DTNA: variants seen among roughly 807,000 people sequenced by gnomAD.
DTNA encodes the protein dystrophin-related protein 3.
In DTNA, 43 loss-of-function variants were observed where a neutral mutation model predicts 100.7. The ratio of observed to expected loss-of-function variants is 0.43; its 90% CI spans 0.33 to 0.55. The LOEUF is 0.55. Among genes scored for constraint, DTNA ranks in the 20% least tolerant of loss-of-function variants. The pLI is 0.04. For missense variants in DTNA, 798 were observed against 953.9 expected, an observed-to-expected ratio of 0.84 and a Z score of 2.15; for synonymous variants, 349 against 347.9, an observed-to-expected ratio of 1.00 and a Z score of -0.04.
chr18:34,605,907 C>T (rs1333481022), intron 1 of DTNA, among the ~76,000 whole-genome samples: 1 of 152,062 alleles, frequency 6.6e-6, no homozygotes, highest in African/African-American at 2.4e-5. Context: ...CCCAAAATCT[C>T]TCATTGATAA....
chr18:34,869,787 C>G (rs995933107), intron 17 of DTNA, among the ~76,000 whole-genome samples: 4 of 152,122 alleles, frequency 2.6e-5, no homozygotes. Context: ...TTTGGGAGGC[C>G]GAGGCAGGCA....
chr18:34,665,429 AT>A (rs1201795110), intron 1 of DTNA, among the ~76,000 whole-genome samples: 1 of 151,840 alleles, frequency 6.6e-6, no homozygotes, highest in Non-Finnish European at 1.5e-5. Flanking sequence ...TTATATATAT[AT>A]TTTTTATTAC....
chr18:34,555,337 C>T (rs926886079), intron 1 of DTNA, among the ~76,000 whole-genome samples: 1 of 149,324 alleles, frequency 6.7e-6, no homozygotes, highest in Non-Finnish European at 1.5e-5. Flanking sequence ...CTCCTGGATT[C>T]ATTAATTTTT....
At position 34,615,630 on chromosome 18, in the gene DTNA, C is replaced by T. The variant is rs577530154; in HGVS notation, c.-2+122116C>T. Among the ~76,000 whole-genome samples the T allele has an allele frequency of 5.9e-5, 9 of 151,950 alleles. No individual in the cohort carries two copies. In the South Asian group the frequency reaches 1.5e-3, roughly 25 times the overall value. On this transcript the variant is annotated intron_variant, in intron 1 of 19. Transcript: ENST00000283365. ...GGTTTTATAGATACATTGCATGTCACGGGGGTTTGTTGTACAGATTATTTC... is the reference window on the plus strand; with the variant it reads ...GGTTTTATAGATACATTGCATGTCATGGGGGTTTGTTGTACAGATTATTTC...
chr18:34,799,137 G>A (rs2095107917), intron 4 of DTNA, among the ~76,000 whole-genome samples: 1 of 152,126 alleles, frequency 6.6e-6, no homozygotes, highest in Admixed American at 6.5e-5. Flanking sequence ...TTACATTGTA[G>A]CATTAGGATC....
At chr18:34,531,824 T>C (rs969190352) in intron 1 of DTNA, among the ~76,000 whole-genome samples, 1 of 152,150 alleles carries the variant, frequency 6.6e-6, no homozygotes, top group Non-Finnish European at 1.5e-5. Context: ...GATAATACTT[T>C]ATTTGCACAT....
chr18:34,534,695 C>T (rs945363888), intron 1 of DTNA, among the ~76,000 whole-genome samples: 6 of 151,984 alleles, frequency 3.9e-5, no homozygotes, highest in African/African-American at 1.2e-4. Flanking sequence ...TCCCTGTGTC[C>T]ATGTGTTCTC....
At position 34,794,194 on chromosome 18, in the gene DTNA, C is replaced by G; in HGVS notation, c.306C>G (p.Ile102Met). The G allele has an allele frequency of 6.2e-7, 1 of 1,614,174 alleles. No homozygotes were observed. Among genetic ancestry groups the G allele is most frequent in the Non-Finnish European group, 8.5e-7 (1 of 1,180,012 alleles). ...AACGGATGCCAACCACTCACCAAAT[C>G]CATGTGGAGCAGTCCATCAGCCTCC... ...LNKRMPTTHQ[I>M]HVEQSISLLL... The change falls in exon 4 of 23, where the codon ATC becomes ATG. Residue 102 changes from isoleucine to methionine, a missense_variant. Ile to Met is a conservative substitution (Grantham distance 10, BLOSUM62 1). Coordinates refer to ENST00000444659, the MANE Select transcript of DTNA (RefSeq NM_001386795.1).
chr18:34,767,939 G>A (rs1214361469), intron 3 of DTNA, among the ~76,000 whole-genome samples: 1 of 152,166 alleles, frequency 6.6e-6, no homozygotes, highest in African/African-American at 2.4e-5. Context: ...CATTACAGAT[G>A]TTGAAAGAAT....
chr18:34,742,632 T>TATTATCTATCTAGATAGATAGATAATCG (rs2090887069), intron 1 of DTNA, among the ~76,000 whole-genome samples: 1 of 152,164 alleles, frequency 6.6e-6, no homozygotes, highest in Admixed American at 6.5e-5. Context: ...GATTATCTTC[T>TATTATCTATCTAGATAGATAGATAATCG]ATTATCTATC....
chr18:34,515,550 G>A (rs894048352), intron 1 of DTNA, among the ~76,000 whole-genome samples: 1 of 152,040 alleles, frequency 6.6e-6, no homozygotes, highest in Non-Finnish European at 1.5e-5. Context: ...ATTGTATTGT[G>A]GGGCATCCTG....
intron 1 of DTNA, among the ~76,000 whole-genome samples, chr18:34,658,084 A>G (rs1407109527): frequency 6.6e-6 from 1 of 152,190 alleles, no homozygotes; most frequent in Non-Finnish European, 1.5e-5. Context: ...CTAAGTAGAT[A>G]TTGGCTAAGA....
chr18:34,881,384 A>C (rs992242174), intron 20 of DTNA, among the ~76,000 whole-genome samples: 2 of 149,334 alleles, frequency 1.3e-5, no homozygotes, highest in African/African-American at 5.0e-5. Context: ...CACATTAGGG[A>C]ATGAGGTCAT....
chr18:34,594,418 G>A (rs2050171902), intron 1 of DTNA, among the ~76,000 whole-genome samples: 1 of 152,140 alleles, frequency 6.6e-6, no homozygotes, highest in Admixed American at 6.5e-5. Context: ...AATAAATACT[G>A]TCCATAATAG....
intron 1 of DTNA, among the ~76,000 whole-genome samples, chr18:34,500,689 C>T (rs894410039): frequency 6.6e-6 from 1 of 151,956 alleles, no homozygotes; most frequent in Admixed American, 6.6e-5. Context: ...GTCACGAACT[C>T]CTGACCTCAG....
At chr18:34,765,392 C>T (rs562059099) in intron 2 of DTNA, among the ~76,000 whole-genome samples, 14 of 152,226 alleles carry the variant, frequency 9.2e-5, no homozygotes, top group South Asian at 2.1e-4. Flanking sequence ...GTGTGCCAGA[C>T]GGTGTTTAAG....
At chr18:34,495,048 A>G (rs770621951) in intron 1 of DTNA, among the ~76,000 whole-genome samples, 64 of 152,148 alleles carry the variant, frequency 4.2e-4, no homozygotes, top group Non-Finnish European at 5.9e-4. Flanking sequence ...CAGGTGAGAA[A>G]ATCCGGGCAC....
chr18:34,827,639 TC>T lies in DTNA; in HGVS notation c.1049del (p.Ser350LeufsTer18). 6.2e-7 allele frequency: 1 copy of T among 1,613,940 alleles called. No homozygotes were observed. ...CATGAACGACACCCTGTTCTCCCAC[TC>T]TGTTCCCTCCTCAGGAAGTCCTTTT... Reference protein sequence around the residue: ...TSMNDTLFSHSVPSSGSPFIT... With the variant: ...TSMNDTLFSHXVPSSGSPFIT... On this transcript the variant is annotated frameshift_variant, in exon 10 of 23. Coordinates refer to ENST00000444659, the MANE Select transcript of DTNA (RefSeq NM_001386795.1). LOFTEE classifies it high-confidence loss of function.
At chr18:34,761,894 G>A (rs1357620694) in intron 2 of DTNA, among the ~76,000 whole-genome samples, 1 of 151,880 alleles carries the variant, frequency 6.6e-6, no homozygotes, top group East Asian at 1.9e-4. Flanking sequence ...ATATAATTCA[G>A]AAAACAACCA....
Sources: gnomAD v4.1 joint callset for allele counts (sites outside exome capture counted in the v4.1 genomes callset) on GRCh38, gnomAD v4.1.1 for gene constraint, MANE v1.5 for transcripts, NCBI Gene and HGNC (gene_info 2026-07-23, HGNC 2026-07-21) for gene names.